UBE2K: variants seen among roughly 807,000 people sequenced by gnomAD.
UBE2K encodes ubiquitin conjugating enzyme E2 K.
In UBE2K, 6 loss-of-function variants were observed where a neutral mutation model predicts 30.0. The observed-to-expected ratio is 0.20, with a 90% CI of 0.11 to 0.39. The LOEUF (loss-of-function observed/expected upper bound fraction) is 0.39, where lower values mean the gene tolerates loss of function less well. Among genes scored for constraint, UBE2K ranks in the 10% least tolerant of loss-of-function variants. UBE2K has a pLI of 1.00. For missense variants in UBE2K, 61 were observed against 241.6 expected (o/e 0.25, Z 4.96); for synonymous variants, 86 against 83.7 (o/e 1.03, Z -0.15).
intron 3 of UBE2K, among the ~76,000 whole-genome samples, chr4:39,748,695 A>G (rs557100405): frequency 6.6e-6 from 1 of 151,982 alleles, no homozygotes; most frequent in Non-Finnish European, 1.5e-5. Flanking sequence ...TAGCTTTGAC[A>G]TTTAGAAACA....
Position 39,728,337 on chromosome 4 carries a change from T to C in UBE2K, c.64-9083T>C, listed in dbSNP as rs78542630. Among the ~76,000 whole-genome samples the C allele has an allele frequency of 9.4e-3, 1,424 of 151,852 alleles. 21 individuals are homozygous for C. Among genetic ancestry groups the C allele is most frequent in the African/African-American group, 0.033 (1,362 of 41,382 alleles). ...TTATATATAGATATTGAGCTGGGAG[T>C]GGTGGTTTACGCCTCTAATCCCAAC... On this transcript the variant is annotated intron_variant, in intron 1 of 6. Coordinates refer to ENST00000261427, the MANE Select transcript of UBE2K (RefSeq NM_005339.5).
intron 1 of UBE2K, among the ~76,000 whole-genome samples, chr4:39,731,826 T>C (rs1237258342): frequency 1.3e-5 from 2 of 152,182 alleles, no homozygotes; most frequent in Admixed American, 1.3e-4. Flanking sequence ...GAACTAAATT[T>C]CACTTTTACA....
chr4:39,706,356 G>A (rs1477556523), intron 1 of UBE2K, among the ~76,000 whole-genome samples: 1 of 151,770 alleles, frequency 6.6e-6, no homozygotes, highest in Non-Finnish European at 1.5e-5. Context: ...TAGAGACAGG[G>A]TTTCATTGTA....
At chr4:39,728,827 G>GTTTTTTTTTTTTTTTTTTTTTT (rs372834149) in intron 1 of UBE2K, among the ~76,000 whole-genome samples, 5 of 128,668 alleles carry the variant, frequency 3.9e-5, no homozygotes, top group East Asian at 2.2e-4. Flanking sequence ...TGTTTTTTTT[G>GTTTTTTTTTTTTTTTTTTTTTT]TTTTTTTTTT....
At position 39,778,978 on chromosome 4, in the gene UBE2K, G is replaced by A. The variant is rs1713435539; in HGVS notation, c.*544G>A. The A allele has an allele frequency of 6.6e-6, 1 of 152,654 alleles. No homozygotes were observed. Among genetic ancestry groups the A allele is most frequent in the Non-Finnish European group, 1.5e-5 (1 of 68,468 alleles). The allele number at this position is 152,654 out of a possible 1,614,324, so 9.5% of individuals were successfully genotyped here. On this transcript the variant is annotated 3_prime_UTR_variant, in exon 7 of 7. Coordinates refer to ENST00000261427, the MANE Select transcript of UBE2K (RefSeq NM_005339.5). Reference sequence around the variant, plus strand: ...ATGAAATTTATTCAGAATTGAAGATGGTGACCTATTCAGAGCCTTTTTGTC... The same window carrying A: ...ATGAAATTTATTCAGAATTGAAGATAGTGACCTATTCAGAGCCTTTTTGTC...
At chr4:39,773,242 G>T (rs1713033301) in intron 4 of UBE2K, among the ~76,000 whole-genome samples, 1 of 151,662 alleles carries the variant, frequency 6.6e-6, no homozygotes, top group Non-Finnish European at 1.5e-5. Flanking sequence ...GGCCAAGGCG[G>T]GCGGATCACA....
chr4:39,771,026 C>T (rs1712776930), intron 4 of UBE2K: 1 of 1,612,002 alleles, frequency 6.2e-7, no homozygotes, highest in Non-Finnish European at 8.5e-7. Context: ...GCCTCACGGA[C>T]CCCATCCTCT....
rs930928585 is a variant in UBE2K at position 39,742,429 on chromosome 4, A to G, written c.158-3323A>G. Among the ~76,000 whole-genome samples, 6 of 152,082 alleles carry G rather than the reference A, an allele frequency of 3.9e-5. No homozygotes were observed. The East Asian group carries it at 5.8e-4, about 15-fold the overall frequency. ...TAGTTCAACTCATGCATGAATCACT[A>G]TGGGATTCTATTAAAAAGAACTAGC... On this transcript the variant is annotated intron_variant, in intron 2 of 6. Transcript: ENST00000261427.
intron 1 of UBE2K, among the ~76,000 whole-genome samples, chr4:39,712,270 C>T: frequency 7.6e-6 from 1 of 132,192 alleles, no homozygotes; most frequent in Non-Finnish European, 1.6e-5. Flanking sequence ...GGCAAGATCT[C>T]AGCTCACTGC....
intron 3 of UBE2K, 37 bp downstream of exon 3, chr4:39,745,847 A>G (rs759440701): frequency 2.1e-6 from 3 of 1,447,790 alleles, no homozygotes; most frequent in Non-Finnish European, 2.8e-6. Flanking sequence ...AAGTTACAAA[A>G]TATTTTATAT....
chr4:39,716,496 G>A (rs1481587076), intron 1 of UBE2K, among the ~76,000 whole-genome samples: 3 of 152,154 alleles, frequency 2.0e-5, no homozygotes, highest in Non-Finnish European at 4.4e-5. Context: ...TGATCCATGC[G>A]CCTTAGCCGC....
chr4:39,715,798 TTGGCCTGACCTCC>T (rs1475858525), intron 1 of UBE2K, among the ~76,000 whole-genome samples: 1 of 152,240 alleles, frequency 6.6e-6, no homozygotes, highest in Non-Finnish European at 1.5e-5. Context: ...AGGTCACTGG[TTGGCCTGACCTCC>T]TGCTCTGGAG....
chr4:39,773,524 T>C (rs1713065152), intron 4 of UBE2K, among the ~76,000 whole-genome samples: 1 of 152,112 alleles, frequency 6.6e-6, no homozygotes, highest in Non-Finnish European at 1.5e-5. Context: ...ATCTTGTTTT[T>C]AGAGTGCCAT....
intron 1 of UBE2K, among the ~76,000 whole-genome samples, chr4:39,726,574 A>G (rs1287256391): frequency 6.6e-6 from 1 of 150,938 alleles, no homozygotes; most frequent in African/African-American, 2.4e-5. Flanking sequence ...TCAGATTCCC[A>G]CTCCCTTCTA....
chr4:39,750,428 A>G (rs867460741), intron 3 of UBE2K, among the ~76,000 whole-genome samples: 29 of 152,340 alleles, frequency 1.9e-4, no homozygotes, highest in Middle Eastern at 6.8e-3. Flanking sequence ...GTCTGGGAAC[A>G]TTGAGAATCT....
chr4:39,753,510 TTAAGTA>T (rs1721377240), intron 3 of UBE2K, among the ~76,000 whole-genome samples: 1 of 152,204 alleles, frequency 6.6e-6, no homozygotes, highest in Non-Finnish European at 1.5e-5. Flanking sequence ...AGATGCTTTA[TTAAGTA>T]GGATGGATAC....
chr4:39,698,724 G>A (rs1717840005), intron 1 of UBE2K, among the ~76,000 whole-genome samples: 1 of 152,186 alleles, frequency 6.6e-6, no homozygotes, highest in Admixed American at 6.5e-5. Flanking sequence ...TGGGGAGGGA[G>A]CAGGCCGAGC....
intron 1 of UBE2K, among the ~76,000 whole-genome samples, chr4:39,724,214 C>A (rs1294392456): frequency 1.3e-5 from 2 of 151,126 alleles, no homozygotes; most frequent in African/African-American, 4.9e-5. Context: ...CTCAAGTGAT[C>A]CTCCAACCTC....
chr4:39,732,410 A>G (rs528358379), intron 1 of UBE2K, among the ~76,000 whole-genome samples: 1 of 152,302 alleles, frequency 6.6e-6, no homozygotes, highest in Non-Finnish European at 1.5e-5. Flanking sequence ...CTAACATTTG[A>G]GATAGCATAT....
Sources: gnomAD v4.1 joint callset for allele counts (sites outside exome capture counted in the v4.1 genomes callset) on GRCh38, gnomAD v4.1.1 for gene constraint, MANE v1.5 for transcripts, NCBI Gene and HGNC (gene_info 2026-07-23, HGNC 2026-07-21) for gene names.